Variants in FRMD8 observed in about 807,000 individuals in gnomAD.
The protein encoded by FRMD8 is FERM domain-containing protein 8.
FRMD8 carries 37 observed loss-of-function variants against 54.2 expected under a neutral mutation model. That is an observed-to-expected ratio of 0.68 (90% confidence interval 0.53 to 0.90). The LOEUF is 0.90. Among genes scored for constraint, FRMD8 ranks in the 40% least tolerant of loss-of-function variants. The pLI is 0.00. For synonymous variants in FRMD8, 246 were observed against 286.9 expected (o/e 0.86, Z 1.44); for missense variants, 585 against 653.7 (o/e 0.89, Z 1.15).
At chr11:65,379,736 G>A in the FRMD8 span, 5 of 1,318,608 alleles carry the variant, frequency 3.8e-6, no homozygotes, top group Non-Finnish European at 5.3e-6. Flanking sequence ...CTACCACCCA[G>A]GCCCCCCAAG....
chr11:65,381,926 C>T (rs781341376), upstream of FRMD8: 1 of 1,614,036 alleles, frequency 6.2e-7, no homozygotes, highest in Non-Finnish European at 8.5e-7. Context: ...AGAGATCCAG[C>T]CAGCCACAAA....
At chr11:65,390,667 C>T (rs1855826836) in intron 3 of FRMD8, among the ~76,000 whole-genome samples, 2 of 152,136 alleles carry the variant, frequency 1.3e-5, no homozygotes, top group Non-Finnish European at 2.9e-5. Flanking sequence ...CCAGCCTGGT[C>T]ACCTCTCTTT....
chr11:65,382,083 G>A, upstream of FRMD8: 13 of 827,134 alleles, frequency 1.6e-5, no homozygotes, highest in Non-Finnish European at 2.4e-5. The surrounding 1 kb of genome is among the most constrained non-coding windows in gnomAD (Gnocchi z 4.4). Context: ...AATTGGCCTG[G>A]TGCCCAGACC....
At position 65,397,122 on chromosome 11, in the gene FRMD8, T is replaced by C. The variant is rs1855975674; in HGVS notation, c.803+102T>C. ...GCCCACCTCTGCTCCAGCTGAGCTG[T>C]GTCCCCATGAAGTGGTGTCTTGTCA... On this transcript the variant is annotated intron_variant, in intron 7 of 10. Transcript: ENST00000317568. The C allele has an allele frequency of 7.8e-6, 5 of 642,016 alleles. No homozygotes were observed. In the South Asian group the frequency reaches 1.3e-4, roughly 16 times the overall value. 39.8% of individuals were successfully genotyped at this position (642,016 alleles called of 1,614,324 possible). A position where few individuals can be genotyped will look rare whatever the true frequency, so the allele number is the denominator to read the frequency against.
chr11:65,392,409 G>A (rs894670903), intron 3 of FRMD8, among the ~76,000 whole-genome samples: 6 of 152,212 alleles, frequency 3.9e-5, no homozygotes, highest in Non-Finnish European at 4.4e-5. Context: ...CAGCGCTCGG[G>A]AAGCTTGGAG....
chr11:65,377,402 C>T, the FRMD8 span: 1 of 1,196,006 alleles, frequency 8.4e-7, no homozygotes, highest in Non-Finnish European at 1.0e-6. Flanking sequence ...TCTGGCCTCC[C>T]TAAAGCCGGC....
At chr11:65,368,082 G>GTT in the FRMD8 span, 3 of 113,060 alleles carry the variant, frequency 2.7e-5, no homozygotes, top group African/African-American at 1.1e-4. Flanking sequence ...TTTTTTTTTT[G>GTT]TTTTTTTTTT....
the FRMD8 span, among the ~76,000 whole-genome samples, chr11:65,370,276 G>C: frequency 6.6e-6 from 1 of 151,266 alleles, no homozygotes; most frequent in African/African-American, 2.4e-5. Context: ...AGCCTGATGT[G>C]CTTACGGAAC....
At chr11:65,376,069 C>CAA in the FRMD8 span, 598 of 108,104 alleles carry the variant, frequency 5.5e-3, 3 homozygotes, top group African/African-American at 0.01. Flanking sequence ...GACTCCATCT[C>CAA]AAAAAAAAAA....
At chr11:65,409,908 G>A (rs1856291443) in intron 10 of FRMD8, among the ~76,000 whole-genome samples, 1 of 151,916 alleles carries the variant, frequency 6.6e-6, no homozygotes, top group Non-Finnish European at 1.5e-5. Flanking sequence ...GCAAGACCCT[G>A]TCTCTACACA....
chr11:65,376,858 T>G, the FRMD8 span: 1 of 1,614,100 alleles, frequency 6.2e-7, no homozygotes, highest in Non-Finnish European at 8.5e-7. Flanking sequence ...GACAGAGCCC[T>G]TCATAGGTGA....
chr11:65,370,283 G>A, the FRMD8 span, among the ~76,000 whole-genome samples: 3 of 151,388 alleles, frequency 2.0e-5, no homozygotes, highest in Non-Finnish European at 4.4e-5. Flanking sequence ...TGTGCTTACG[G>A]AACCAAGAGA....
At chr11:65,377,374 T>G in the FRMD8 span, 24 of 1,249,518 alleles carry the variant, frequency 1.9e-5, no homozygotes, top group Non-Finnish European at 2.1e-5. Flanking sequence ...GGATTCTTTT[T>G]GCAGGAGCAG....
chr11:65,400,777 C>CGAG lies in FRMD8; in HGVS notation c.991_993dup (p.Glu331dup). 6.2e-7 allele frequency: 1 copy of CGAG among 1,611,712 alleles called. No individual in the cohort carries two copies. The highest frequency in any genetic ancestry group is 8.5e-7 in the Non-Finnish European group (1 of 1,179,232). ...AGCTGTCGTGGGACCACACCTCCCCCGAGGAGGAGGAGCCCATCTTGTGGC... is the reference window on the plus strand; with the variant it reads ...AGCTGTCGTGGGACCACACCTCCCCCGAGGAGGAGGAGGAGCCCATCTTGTGGC... On this transcript the variant is annotated inframe_insertion, in exon 9 of 11. Coordinates refer to ENST00000317568, the MANE Select transcript of FRMD8 (RefSeq NM_031904.5). The surrounding 1 kb of genome is among the most constrained non-coding windows in gnomAD (Gnocchi z 4.3).
In FRMD8 at chr11:65,413,246, C is replaced by CA. The variant is rs1856376361; in HGVS notation, c.*1889dup. On this transcript the variant is annotated 3_prime_UTR_variant, in exon 11 of 11. Coordinates refer to ENST00000317568, the MANE Select transcript of FRMD8 (RefSeq NM_031904.5). ...TCATGATCTGCCCGCCTCAACCTCC[C>CA]AAAGTGCTGGGATTATAGGCGTGAG... 6.6e-6 allele frequency: 1 copy of CA among 152,238 alleles called. No individual in the cohort carries two copies. The highest frequency in any genetic ancestry group is 2.4e-5 in the African/African-American group (1 of 41,444). The allele number at this position is 152,238 out of a possible 1,614,324, so 9.4% of individuals were successfully genotyped here.
the FRMD8 span, among the ~76,000 whole-genome samples, chr11:65,371,359 A>G: frequency 6.6e-6 from 1 of 152,136 alleles, no homozygotes; most frequent in Admixed American, 6.5e-5. Context: ...TAAAAAAAGA[A>G]GTATGACGCT....
chr11:65,369,820 GT>G, the FRMD8 span, among the ~76,000 whole-genome samples: 1 of 149,334 alleles, frequency 6.7e-6, no homozygotes, highest in East Asian at 1.9e-4. Context: ...ATCACCTGAG[GT>G]CAGGAGTTTG....
rs1322049542 is a variant in FRMD8 at position 65,412,693 on chromosome 11, C to CCT, written c.*1336_*1337dup. ...AAAACCGTGGGAGAGGAAGCTTGGG[C>CCT]CTCTACTCCAAGTATCAGAGCCTGT... is the stretch of plus-strand genomic sequence containing the variant. On this transcript the variant is annotated 3_prime_UTR_variant, in exon 11 of 11. Coordinates refer to ENST00000317568, the MANE Select transcript of FRMD8 (RefSeq NM_031904.5). 2 of 152,278 alleles carry CCT rather than the reference C, an allele frequency of 1.3e-5. No individual in the cohort carries two copies. The highest frequency in any genetic ancestry group is 4.8e-5 in the African/African-American group (2 of 41,460). The allele number at this position is 152,278 out of a possible 1,614,324, so 9.4% of individuals were successfully genotyped here.
intron 6 of FRMD8, among the ~76,000 whole-genome samples, chr11:65,395,280 C>T (rs1386078972): frequency 2.7e-5 from 4 of 149,578 alleles, no homozygotes; most frequent in African/African-American, 7.4e-5. Context: ...CGGTGGCTCA[C>T]GCCTGTAATC....
Sources: gnomAD v4.1 joint callset for allele counts (sites outside exome capture counted in the v4.1 genomes callset) on GRCh38, gnomAD v4.1.1 for gene constraint, Gnocchi (gnomAD v3.1) non-coding constraint, MANE v1.5 for transcripts, NCBI Gene and HGNC (gene_info 2026-07-23, HGNC 2026-07-21) for gene names.